Variants in CFAP418 observed in about 807,000 individuals in gnomAD.
CFAP418 encodes the protein cilia- and flagella-associated protein 418.
Under a neutral mutation model 24.7 loss-of-function variants are expected in CFAP418, and 27 were observed. The ratio of observed to expected loss-of-function variants is 1.09; its 90% confidence interval spans 0.81 to 1.51. The LOEUF is 1.51. CFAP418 is among the 40% of genes most tolerant of loss of function. The probability of loss-of-function intolerance (pLI) is 0.00; values close to 1 mark genes in which losing one functional copy is unlikely to be tolerated. For missense variants in CFAP418, 257 were observed against 255.2 expected (o/e 1.01, Z -0.05); for synonymous variants, 74 against 87.3 (o/e 0.85, Z 0.85).
At chr8:95,268,014 T>G (rs1205195181) in intron 1 of CFAP418, among the ~76,000 whole-genome samples, 1 of 152,174 alleles carries the variant, frequency 6.6e-6, no homozygotes, top group Non-Finnish European at 1.5e-5. Context: ...TTAAGAAATG[T>G]CCTTAAATTT....
intron 1 of CFAP418, among the ~76,000 whole-genome samples, chr8:95,266,162 T>A (rs1230726168): frequency 6.6e-6 from 1 of 152,178 alleles, no homozygotes; most frequent in East Asian, 1.9e-4. Flanking sequence ...ATTGTGAAGA[T>A]TAAATGAAAT....
intron 1 of CFAP418, among the ~76,000 whole-genome samples, chr8:95,267,409 G>A (rs1225198336): frequency 3.3e-5 from 5 of 152,094 alleles, no homozygotes; most frequent in Admixed American, 6.5e-5. Flanking sequence ...AGACCATCCT[G>A]GCTAACACGG....
At chr8:95,260,293 G>C (rs1811864022) in intron 3 of CFAP418, among the ~76,000 whole-genome samples, 175 bp downstream of exon 3, 1 of 152,040 alleles carries the variant, frequency 6.6e-6, no homozygotes, top group Admixed American at 6.5e-5. Context: ...TTACACAAAG[G>C]GGGTCACAGA....
At chr8:95,268,933 G>C in intron 1 of CFAP418, 102 bp downstream of exon 1, 4 of 1,279,180 alleles carry the variant, frequency 3.1e-6, no homozygotes, top group Non-Finnish European at 4.4e-6. Context: ...GGAGGGGCTG[G>C]AGGTCGCGGG....
chr8:95,248,626 C>T (rs935169407), intron 5 of CFAP418, among the ~76,000 whole-genome samples: 15 of 152,118 alleles, frequency 9.9e-5, no homozygotes, highest in Admixed American at 7.2e-4. Context: ...ATGATAAACA[C>T]TGGATTTCAT....
rs1328320538 is a variant in CFAP418, at chr8:95,263,677, C to T, written c.243+10G>A. On this transcript the variant is annotated intron_variant, in intron 2 of 5. Transcript: ENST00000286688. ...ACAGAATTACTACATATTTATAACA[C>T]TTGACTTACAGAGGGTTTTTTGTCC... The T allele has an allele frequency of 1.3e-6, 2 of 1,541,234 alleles. No individual in the cohort carries two copies. Among genetic ancestry groups the T allele is most frequent in the Admixed American group, 1.7e-5 (1 of 59,748 alleles).
chr8:95,258,497 T>C (rs1193776888), intron 4 of CFAP418, among the ~76,000 whole-genome samples: 2 of 151,784 alleles, frequency 1.3e-5, no homozygotes, highest in African/African-American at 4.8e-5. Flanking sequence ...TTTTAAATTG[T>C]TATTAAAAAG....
At chr8:95,258,058 G>C (rs192123179) in intron 4 of CFAP418, among the ~76,000 whole-genome samples, 106 of 152,246 alleles carry the variant, frequency 7.0e-4, no homozygotes, top group African/African-American at 2.4e-3. Context: ...TGTGAGTGTT[G>C]TGTCTTCATT....
chr8:95,251,235 C>A (rs1266953008), intron 5 of CFAP418, among the ~76,000 whole-genome samples: 1 of 152,148 alleles, frequency 6.6e-6, no homozygotes, highest in African/African-American at 2.4e-5. Flanking sequence ...CGTGAATACA[C>A]AGGAAGGGAA....
chr8:95,268,399 C>T (rs1447943758), intron 1 of CFAP418, among the ~76,000 whole-genome samples: 2 of 152,020 alleles, frequency 1.3e-5, no homozygotes, highest in East Asian at 1.9e-4. Context: ...TCTTTGAACC[C>T]GGGAGTTGGA....
At chr8:95,253,084 C>T (rs368690479) in intron 4 of CFAP418, among the ~76,000 whole-genome samples, 19 of 151,820 alleles carry the variant, frequency 1.3e-4, no homozygotes, top group South Asian at 8.3e-4. Context: ...CTGAGGCGGG[C>T]GGATCACGAG....
intron 4 of CFAP418, among the ~76,000 whole-genome samples, chr8:95,255,962 C>A (rs537702469): frequency 1.3e-5 from 2 of 152,296 alleles, no homozygotes; most frequent in Admixed American, 6.5e-5. Context: ...CATTTACCTG[C>A]GCATATATAT....
chr8:95,259,387 A>T (rs1165665687), intron 4 of CFAP418, among the ~76,000 whole-genome samples: 1 of 152,188 alleles, frequency 6.6e-6, no homozygotes, highest in Non-Finnish European at 1.5e-5. Flanking sequence ...AGAGACAAAG[A>T]ACATAAGGTT....
At chr8:95,261,481 A>G (rs755856793) in intron 2 of CFAP418, among the ~76,000 whole-genome samples, 10 of 152,184 alleles carry the variant, frequency 6.6e-5, no homozygotes, top group Non-Finnish European at 4.4e-5. Context: ...GGGTCTGGGA[A>G]CAGTTCAGAA....
intron 4 of CFAP418, among the ~76,000 whole-genome samples, chr8:95,256,331 AT>A (rs1294716100): frequency 6.6e-6 from 1 of 152,258 alleles, no homozygotes; most frequent in African/African-American, 2.4e-5. Context: ...TCCCTGAGAT[AT>A]AACGTAACAA....
intron 4 of CFAP418, 24 bp downstream of exon 4, chr8:95,259,816 T>A: frequency 6.4e-7 from 1 of 1,570,068 alleles, no homozygotes; most frequent in Non-Finnish European, 8.7e-7. Flanking sequence ...AGTAAGAAAG[T>A]ATAATACATT....
chr8:95,261,717 A>G (rs1050295400), intron 2 of CFAP418, among the ~76,000 whole-genome samples: 1 of 152,224 alleles, frequency 6.6e-6, no homozygotes, highest in African/African-American at 2.4e-5. Context: ...ATCATGATTA[A>G]AAATTTACTT....
In CFAP418 at chr8:95,245,616, G is replaced by GT. The variant is rs1811605969; in HGVS notation, c.*2000dup. ...TAGCTGGGCGTGGTGGTGTGTGCCTGTAATCCCAGCTACTGGGGAGGCTGA... is the reference window on the plus strand; with the variant it reads ...TAGCTGGGCGTGGTGGTGTGTGCCTGTTAATCCCAGCTACTGGGGAGGCTGA... On this transcript the variant is annotated 3_prime_UTR_variant, in exon 6 of 6. Coordinates refer to ENST00000286688, the MANE Select transcript of CFAP418 (RefSeq NM_177965.4). 1 of 152,170 alleles carries GT rather than the reference G, an allele frequency of 6.6e-6. No individual in the cohort carries two copies. Among genetic ancestry groups the GT allele is most frequent in the African/African-American group, 2.4e-5 (1 of 41,434 alleles). The allele number at this position is 152,170 out of a possible 1,614,324, so 9.4% of individuals were successfully genotyped here. A position where few individuals can be genotyped will look rare whatever the true frequency, so the allele number is the denominator to read the frequency against.
intron 1 of CFAP418, 156 bp downstream of exon 1, chr8:95,268,879 C>T: frequency 3.9e-6 from 3 of 773,808 alleles, no homozygotes; most frequent in African/African-American, 1.7e-5. Flanking sequence ...GACGAATGCG[C>T]TGCCGCGGAG....
Sources: allele counts gnomAD v4.1 joint callset (sites outside exome capture counted in the v4.1 genomes callset), GRCh38; gene constraint gnomAD v4.1.1; transcripts MANE v1.5; gene names NCBI Gene and HGNC (gene_info 2026-07-23, HGNC 2026-07-21).